The following TSPAN9 variants were observed in gnomAD, a reference collection of about 807,000 sequenced individuals.
The protein encoded by TSPAN9 is tetraspanin 9, also known as tetraspanin-9.
A neutral mutation model predicts 31.0 loss-of-function variants in TSPAN9; 16 were observed. The ratio of observed to expected loss-of-function variants is 0.52; its 90% confidence interval spans 0.35 to 0.78. The LOEUF is 0.78. Among genes scored for constraint, TSPAN9 ranks in the 30% least tolerant of loss-of-function variants. The pLI is 0.01. For missense variants in TSPAN9, 272 were observed against 312.5 expected (o/e 0.87, Z 0.98); for synonymous variants, 145 against 121.6 (o/e 1.19, Z -1.27).
intron 3 of TSPAN9, among the ~76,000 whole-genome samples, chr12:3,278,031 C>T (rs1309145394): frequency 6.6e-6 from 1 of 152,238 alleles, no homozygotes; most frequent in Admixed American, 6.5e-5. Context: ...TCTCCCCTCT[C>T]ACCAGGCCTC....
chr12:3,086,353 G>A (rs1256558626), intron 2 of TSPAN9, among the ~76,000 whole-genome samples: 1 of 148,426 alleles, frequency 6.7e-6, no homozygotes, highest in Non-Finnish European at 1.5e-5. Context: ...TTGGCCTATT[G>A]TTTAGTATTA....
chr12:3,131,783 A>C (rs767287002), intron 2 of TSPAN9, among the ~76,000 whole-genome samples: 1 of 152,220 alleles, frequency 6.6e-6, no homozygotes, highest in Non-Finnish European at 1.5e-5. Context: ...GGTAAAATAC[A>C]TACAAAATAT....
intron 3 of TSPAN9, among the ~76,000 whole-genome samples, chr12:3,210,417 C>G (rs1285789944): frequency 1.3e-5 from 2 of 152,220 alleles, no homozygotes. Context: ...TCTTTGATCA[C>G]TAGTGGACAT....
chr12:3,285,685 T>A lies in TSPAN9; in HGVS notation c.*2569T>A, dbSNP rs1863001851. On this transcript the variant is annotated 3_prime_UTR_variant, in exon 9 of 9. Coordinates refer to ENST00000011898, the MANE Select transcript of TSPAN9 (RefSeq NM_006675.5). ...TGACTGTGATCTCACTGGGGTAGAA[T>A]TCCCCTGAGAGAATTCCCTCACTCA... 6.6e-6 allele frequency: 1 copy of A among 152,240 alleles called. No homozygotes were observed. Among genetic ancestry groups the A allele is most frequent in the Non-Finnish European group, 1.5e-5 (1 of 68,048 alleles). 9.4% of individuals were successfully genotyped at this position (152,240 alleles called of 1,614,324 possible).
intron 3 of TSPAN9, among the ~76,000 whole-genome samples, chr12:3,213,258 C>T (rs932229068): frequency 6.6e-6 from 1 of 152,134 alleles, no homozygotes; most frequent in Admixed American, 6.5e-5. Flanking sequence ...CAGTTGCTGG[C>T]GGTGAGGATC....
chr12:3,194,607 G>A (rs1317645666), intron 2 of TSPAN9, among the ~76,000 whole-genome samples: 4 of 152,030 alleles, frequency 2.6e-5, no homozygotes, highest in Non-Finnish European at 5.9e-5. Context: ...GGTTCATCTC[G>A]AATTCCTGGG....
At chr12:3,086,742 G>C (rs575612133) in intron 2 of TSPAN9, among the ~76,000 whole-genome samples, 1 of 152,206 alleles carries the variant, frequency 6.6e-6, no homozygotes, top group South Asian at 2.1e-4. Flanking sequence ...AACTCTCACA[G>C]CACGTTTGTG....
In TSPAN9 at chr12:3,128,493, G is replaced by A. The variant is rs569800358; in HGVS notation, c.-18+44774G>A. Among the ~76,000 whole-genome samples the A allele has an allele frequency of 2.6e-5, 4 of 152,296 alleles. No homozygotes were observed. The South Asian group carries it at 6.2e-4, about 24-fold the overall frequency. ...AGTCCCAGCTACCCAGGAAGCCAAG[G>A]CAGGAGGATTGCTTGAGCCCAGAAG... On this transcript the variant is annotated intron_variant, in intron 2 of 8. Coordinates refer to ENST00000011898, the MANE Select transcript of TSPAN9 (RefSeq NM_006675.5).
At position 3,143,618 on chromosome 12, in the gene TSPAN9, A is replaced by T. The variant is rs1421206404; in HGVS notation, c.-17-57559A>T. Among the ~76,000 whole-genome samples the T allele has an allele frequency of 6.6e-6, 1 of 152,224 alleles. No individual in the cohort carries two copies. The highest frequency in any genetic ancestry group is 1.5e-5 in the Non-Finnish European group (1 of 68,044). On this transcript the variant is annotated intron_variant, in intron 2 of 8. Transcript: ENST00000011898. The surrounding 1 kb of genome is among the most constrained non-coding windows in gnomAD (Gnocchi z 4.2). The stretch of plus-strand genomic sequence containing the variant: ...AATGTATGGATATAGGATATATAAT[A>T]AATATCAGGATATATATTTTATCCT...
chr12:3,274,211 C>T (rs1336813694), intron 3 of TSPAN9, among the ~76,000 whole-genome samples: 2 of 152,194 alleles, frequency 1.3e-5, no homozygotes, highest in Non-Finnish European at 2.9e-5. Context: ...CCAGACATGC[C>T]ACATGTTCCC....
intron 3 of TSPAN9, among the ~76,000 whole-genome samples, chr12:3,256,828 C>T (rs1862356536): frequency 6.6e-6 from 1 of 152,160 alleles, no homozygotes. Context: ...TCCTGAAATA[C>T]ACGGCGACTC....
intron 7 of TSPAN9, 85 bp downstream of exon 7, chr12:3,281,414 C>A: frequency 6.9e-7 from 1 of 1,453,488 alleles, no homozygotes; most frequent in Admixed American, 2.8e-5. Context: ...AGGCTGGGCC[C>A]GGGACACTAA....
rs201290533 is a variant in TSPAN9, at chr12:3,155,605, A to AT, written c.-17-45572_-17-45571insT. ...CAAGACCCTGTCTCTTTAAAAAAAAAAAAATAAAGAGGGAGCGAGAGCAAG... is the reference window on the plus strand; with the variant it reads ...CAAGACCCTGTCTCTTTAAAAAAAAATAAAATAAAGAGGGAGCGAGAGCAAG... On this transcript the variant is annotated intron_variant, in intron 2 of 8. Transcript: ENST00000011898. Among the ~76,000 whole-genome samples the AT allele has an allele frequency of 7.7e-3, 1,164 of 151,920 alleles. 3 individuals are homozygous for AT. The highest frequency in any genetic ancestry group is 0.013 in the Non-Finnish European group (850 of 67,898).
At chr12:3,139,149 G>A (rs1031462955) in intron 2 of TSPAN9, among the ~76,000 whole-genome samples, 1 of 152,200 alleles carries the variant, frequency 6.6e-6, no homozygotes, top group East Asian at 1.9e-4. Flanking sequence ...TCAGGTTTCA[G>A]CTTCATGGCT....
chr12:3,157,666 C>G (rs71458045), intron 2 of TSPAN9, among the ~76,000 whole-genome samples: 14 of 152,216 alleles, frequency 9.2e-5, no homozygotes, highest in South Asian at 4.1e-4. Context: ...CAGAGGTCAT[C>G]TGTCCTGCTG....
chr12:3,144,303 G>C (rs1794364072), intron 2 of TSPAN9, among the ~76,000 whole-genome samples: 1 of 152,094 alleles, frequency 6.6e-6, no homozygotes, highest in Admixed American at 6.5e-5. Context: ...GTTTCACCAT[G>C]TTGGCCAGGC....
chr12:3,281,311 C>T lies in TSPAN9; in HGVS notation c.546C>T (p.Thr182=). Residue 182 remains threonine (T), a synonymous_variant, in exon 7 of 9, where the codon ACC becomes ACT. Coordinates refer to ENST00000011898, the MANE Select transcript of TSPAN9 (RefSeq NM_006675.5). ...ENSQGCGRNA[T]TPLWRTGCYE... ...CCCAGGGCTGCGGGCGCAACGCCAC[C>T]ACGCCTTTGTGGAGAACGGTGAGGC... 6.4e-7 allele frequency: 1 copy of T among 1,550,708 alleles called. No individual in the cohort carries two copies. Among genetic ancestry groups the T allele is most frequent in the Non-Finnish European group, 8.7e-7 (1 of 1,146,740 alleles).
intron 3 of TSPAN9, among the ~76,000 whole-genome samples, chr12:3,259,286 C>T (rs1862406036): frequency 6.6e-6 from 1 of 152,188 alleles, no homozygotes; most frequent in Admixed American, 6.5e-5. Flanking sequence ...TTTCTCTTTG[C>T]CGTAACTCAG....
In TSPAN9 at chr12:3,264,508, C is replaced by T. The variant is rs150597151; in HGVS notation, c.64-13913C>T. On this transcript the variant is annotated intron_variant, in intron 3 of 8. Coordinates refer to ENST00000011898, the MANE Select transcript of TSPAN9 (RefSeq NM_006675.5). ...GATGGGTGGCTGGGGACCGGCAGGA[C>T]GGCAGAGGGAGTAGAGCCCATCTGG... Among the ~76,000 whole-genome samples, 829 of 152,276 alleles carry T rather than the reference C, an allele frequency of 5.4e-3. 14 individuals are homozygous for T. The highest frequency in any genetic ancestry group is 0.019 in the African/African-American group (778 of 41,558).
Sources: allele counts gnomAD v4.1 joint callset (sites outside exome capture counted in the v4.1 genomes callset), GRCh38; gene constraint gnomAD v4.1.1; non-coding constraint Gnocchi (gnomAD v3.1); transcripts MANE v1.5; gene names NCBI Gene and HGNC (gene_info 2026-07-23, HGNC 2026-07-21).